The following RPS6KC1 variants were observed in gnomAD, a reference collection of about 807,000 sequenced individuals.
The protein encoded by RPS6KC1 is ribosomal protein S6 kinase C1.
RPS6KC1 carries 54 observed loss-of-function variants against 103.8 expected under a neutral mutation model. The observed-to-expected ratio is 0.52, with a 90% CI of 0.42 to 0.65. The LOEUF (loss-of-function observed/expected upper bound fraction) is 0.65, where lower values mean the gene tolerates loss of function less well. Ranked by LOEUF, RPS6KC1 falls within the 30% of genes least tolerant of loss-of-function variation. The pLI is 0.00. For synonymous variants in RPS6KC1, 439 were observed against 438.7 expected (o/e 1.00, Z -0.01); for missense variants, 1,151 against 1,253.8 (o/e 0.92, Z 1.24).
the RPS6KC1 span, among the ~76,000 whole-genome samples, chr1:213,395,581 G>C: frequency 2.0e-5 from 3 of 152,142 alleles, no homozygotes; most frequent in East Asian, 1.9e-4. Flanking sequence ...TCTGCTAACT[G>C]TCTAACAACC....
chr1:213,539,883 A>G, the RPS6KC1 span, among the ~76,000 whole-genome samples: 5 of 152,228 alleles, frequency 3.3e-5, no homozygotes, highest in Non-Finnish European at 7.3e-5. Context: ...CCTAGTACGT[A>G]TAAAAGTTAT....
At chr1:213,362,673 T>G in the RPS6KC1 span, among the ~76,000 whole-genome samples, 1 of 152,320 alleles carries the variant, frequency 6.6e-6, no homozygotes, top group Middle Eastern at 3.4e-3. Context: ...ATGTGTCAAC[T>G]TGGCTGAGCC....
the RPS6KC1 span, among the ~76,000 whole-genome samples, chr1:213,646,311 T>A: frequency 6.6e-6 from 1 of 151,918 alleles, no homozygotes; most frequent in Non-Finnish European, 1.5e-5. Context: ...CTGCCTGGGG[T>A]TAGGAGTTGG....
At chr1:213,689,119 C>T in the RPS6KC1 span, among the ~76,000 whole-genome samples, 1 of 152,166 alleles carries the variant, frequency 6.6e-6, no homozygotes, top group Non-Finnish European at 1.5e-5. Flanking sequence ...TTCTGGGTTC[C>T]TGAAAGCAGT....
the RPS6KC1 span, among the ~76,000 whole-genome samples, chr1:213,511,790 A>T: frequency 6.6e-6 from 1 of 151,964 alleles, no homozygotes; most frequent in Non-Finnish European, 1.5e-5. Context: ...TCCCTTCACT[A>T]TTGTCCCTCC....
chr1:213,096,042 C>T lies in RPS6KC1; in HGVS notation c.263-8412C>T, dbSNP rs549398552. 2.8e-4 allele frequency among the ~76,000 whole-genome samples: 43 copies of T among 152,290 alleles called. No individual in the cohort carries two copies. The South Asian group carries it at 8.7e-3, about 31-fold the overall frequency. ...GTGATGGTGTTTGATAGCATTTTAC[C>T]TACAGTAGAACTTCTTTCAGAATTG... On this transcript the variant is annotated intron_variant, in intron 3 of 14. Coordinates refer to ENST00000366960, the MANE Select transcript of RPS6KC1 (RefSeq NM_012424.6).
intron 5 of RPS6KC1, among the ~76,000 whole-genome samples, chr1:213,125,288 A>T (rs907078105): frequency 6.6e-6 from 1 of 152,074 alleles, no homozygotes; most frequent in African/African-American, 2.4e-5. Flanking sequence ...GTTTTTGCAT[A>T]ATATAAGACA....
At chr1:213,237,799 GCTT>G (rs1326515574) in intron 10 of RPS6KC1, among the ~76,000 whole-genome samples, 9 of 151,998 alleles carry the variant, frequency 5.9e-5, no homozygotes, top group African/African-American at 2.2e-4. Flanking sequence ...AATTTTATGT[GCTT>G]CAAAAAGACT....
At chr1:213,162,516 C>T (rs2090578533) in intron 6 of RPS6KC1, among the ~76,000 whole-genome samples, 1 of 152,128 alleles carries the variant, frequency 6.6e-6, no homozygotes, top group African/African-American at 2.4e-5. Context: ...CTCCTGGGCT[C>T]AAGCCATCTT....
the RPS6KC1 span, among the ~76,000 whole-genome samples, chr1:213,787,290 G>A: frequency 2.0e-5 from 3 of 152,034 alleles, 1 homozygote; most frequent in Non-Finnish European, 4.4e-5. Flanking sequence ...GCACAGTAGA[G>A]TAAGTACTAA....
the RPS6KC1 span, among the ~76,000 whole-genome samples, chr1:213,340,850 C>T: frequency 2.0e-5 from 3 of 152,234 alleles, no homozygotes; most frequent in African/African-American, 7.2e-5. Flanking sequence ...GCCTGCCTGA[C>T]TCCACCTGTG....
the RPS6KC1 span, among the ~76,000 whole-genome samples, chr1:213,762,354 G>A: frequency 1.7e-3 from 261 of 152,224 alleles, 1 homozygote; most frequent in African/African-American, 6.1e-3. Context: ...TCTGTCTTCC[G>A]GAGGAAGGGA....
At chr1:213,825,353 G>C in the RPS6KC1 span, among the ~76,000 whole-genome samples, 1 of 152,164 alleles carries the variant, frequency 6.6e-6, no homozygotes, top group African/African-American at 2.4e-5. Context: ...AGATTTAAAG[G>C]CATACTTGCA....
intron 6 of RPS6KC1, among the ~76,000 whole-genome samples, chr1:213,152,864 G>C (rs1208852276): frequency 6.6e-6 from 1 of 152,206 alleles, no homozygotes; most frequent in Non-Finnish European, 1.5e-5. Context: ...CTGCAATGTC[G>C]GCACTTTGGG....
At chr1:213,389,643 C>T in the RPS6KC1 span, among the ~76,000 whole-genome samples, 1 of 152,356 alleles carries the variant, frequency 6.6e-6, no homozygotes, top group Admixed American at 6.5e-5. Context: ...TGCTCTGAGT[C>T]TCTGCTCTCT....
the RPS6KC1 span, among the ~76,000 whole-genome samples, chr1:213,531,702 G>A: frequency 2.0e-5 from 3 of 152,216 alleles, no homozygotes; most frequent in Non-Finnish European, 4.4e-5. Flanking sequence ...GCTATCAGTG[G>A]AAAGAAGTTT....
At chr1:213,839,472 AC>A in the RPS6KC1 span, among the ~76,000 whole-genome samples, 1 of 152,108 alleles carries the variant, frequency 6.6e-6, no homozygotes, top group Admixed American at 6.5e-5. Flanking sequence ...TGGTTCATGT[AC>A]CCTGAATTTT....
intron 8 of RPS6KC1, among the ~76,000 whole-genome samples, chr1:213,209,558 G>C (rs2093442990): frequency 2.0e-5 from 3 of 151,982 alleles, no homozygotes; most frequent in African/African-American, 7.2e-5. Context: ...AGCTTGGTGT[G>C]GTGGCCCATG....
the RPS6KC1 span, among the ~76,000 whole-genome samples, chr1:213,511,863 ATATAT>A: frequency 6.6e-6 from 1 of 152,024 alleles, no homozygotes; most frequent in African/African-American, 2.4e-5. Flanking sequence ...TCACCTTCTA[ATATAT>A]TATATCATTT....
Sources: gnomAD v4.1 joint callset for allele counts (sites outside exome capture counted in the v4.1 genomes callset) on GRCh38, gnomAD v4.1.1 for gene constraint, MANE v1.5 for transcripts, NCBI Gene and HGNC (gene_info 2026-07-23, HGNC 2026-07-21) for gene names.